Variants in PDE1C observed in about 807,000 individuals in gnomAD.
The protein encoded by PDE1C is dual specificity calcium/calmodulin-dependent 3',5'-cyclic nucleotide phosphodiesterase 1C.
Under a neutral mutation model 93.1 loss-of-function variants are expected in PDE1C, and 62 were observed. The observed-to-expected ratio is 0.67, with a 90% CI of 0.54 to 0.82. The LOEUF (loss-of-function observed/expected upper bound fraction) is 0.82, where lower values mean the gene tolerates loss of function less well. Among genes scored for constraint, PDE1C ranks in the 40% least tolerant of loss-of-function variants. The probability of loss-of-function intolerance (pLI) is 0.00; values close to 1 mark genes in which losing one functional copy is unlikely to be tolerated. For missense variants in PDE1C, 742 were observed against 884.6 expected, an observed-to-expected ratio of 0.84 and a Z score of 2.04; for synonymous variants, 325 against 310.1, an observed-to-expected ratio of 1.05 and a Z score of -0.50.
At chr7:31,936,748 G>C (rs927308105) in intron 2 of PDE1C, among the ~76,000 whole-genome samples, 14 of 152,202 alleles carry the variant, frequency 9.2e-5, no homozygotes, top group Admixed American at 5.9e-4. Context: ...AAAGAGTTCT[G>C]GCACACTATA....
At chr7:32,108,686 T>A (rs1798479357) in intron 3 of PDE1C, among the ~76,000 whole-genome samples, 1 of 152,190 alleles carries the variant, frequency 6.6e-6, no homozygotes, top group Non-Finnish European at 1.5e-5. Flanking sequence ...CTTGTTCTAA[T>A]AAGTGTGTAA....
At chr7:31,948,710 G>A (rs1806957697) in intron 2 of PDE1C, among the ~76,000 whole-genome samples, 1 of 151,864 alleles carries the variant, frequency 6.6e-6, no homozygotes, top group East Asian at 1.9e-4. Context: ...GTTGGTTTTG[G>A]GTGTTTTTTG....
intron 1 of PDE1C, among the ~76,000 whole-genome samples, chr7:32,406,754 G>A (rs1785059768): frequency 6.6e-6 from 1 of 152,152 alleles, no homozygotes; most frequent in African/African-American, 2.4e-5. Context: ...GTATGGATGT[G>A]ACCTGGATGG....
chr7:31,781,262 A>G (rs1783387982), intron 16 of PDE1C, among the ~76,000 whole-genome samples: 4 of 152,212 alleles, frequency 2.6e-5, no homozygotes, highest in Admixed American at 2.6e-4. Flanking sequence ...GGCCAAGCCT[A>G]TGCCTGCTGG....
At chr7:31,631,758 G>A in the PDE1C span, among the ~76,000 whole-genome samples, 1 of 152,214 alleles carries the variant, frequency 6.6e-6, no homozygotes, top group East Asian at 1.9e-4. Flanking sequence ...GCTAATGGAA[G>A]TAATTCAAAT....
At chr7:32,172,847 G>C (rs58563760) in intron 2 of PDE1C, among the ~76,000 whole-genome samples, 10 of 139,100 alleles carry the variant, frequency 7.2e-5, no homozygotes, top group Admixed American at 2.2e-4. Flanking sequence ...AAAAAAAAAG[G>C]CAAGAAGAAA....
the PDE1C span, among the ~76,000 whole-genome samples, chr7:31,673,323 C>T: frequency 6.6e-6 from 1 of 151,884 alleles, no homozygotes. Context: ...AAGTCCTTAC[C>T]ATTTGGGCCA....
At chr7:32,381,599 A>G (rs539987397) in intron 1 of PDE1C, among the ~76,000 whole-genome samples, 1 of 151,850 alleles carries the variant, frequency 6.6e-6, no homozygotes, top group South Asian at 2.1e-4. Flanking sequence ...TCTCTCCTCA[A>G]CCTGGAAAGC....
intron 1 of PDE1C, among the ~76,000 whole-genome samples, chr7:32,248,006 T>G (rs1585025163): frequency 6.6e-6 from 1 of 152,262 alleles, no homozygotes; most frequent in African/African-American, 2.4e-5. Context: ...ATTTCCAAAG[T>G]GAAATTGACT....
At chr7:32,001,788 G>A (rs1406826959) in intron 2 of PDE1C, among the ~76,000 whole-genome samples, 1 of 152,200 alleles carries the variant, frequency 6.6e-6, no homozygotes, top group East Asian at 1.9e-4. Flanking sequence ...CAATAGGTCT[G>A]GCTGGGCACA....
chr7:31,701,775 G>C, the PDE1C span, among the ~76,000 whole-genome samples: 2 of 152,220 alleles, frequency 1.3e-5, no homozygotes, highest in African/African-American at 2.4e-5. Flanking sequence ...CTAAGACTCA[G>C]TGAAGACTCA....
At chr7:31,738,822 T>A in the PDE1C span, among the ~76,000 whole-genome samples, 4 of 152,154 alleles carry the variant, frequency 2.6e-5, no homozygotes, top group East Asian at 7.7e-4. Flanking sequence ...ACTCTCAGCC[T>A]GCATGTTCTC....
chr7:32,292,073 T>G (rs574874949), intron 1 of PDE1C, among the ~76,000 whole-genome samples: 9 of 152,340 alleles, frequency 5.9e-5, no homozygotes, highest in Non-Finnish European at 8.8e-5. Flanking sequence ...TAGTTCACAA[T>G]TTTGAATGTC....
At chr7:31,677,549 A>AT in the PDE1C span, among the ~76,000 whole-genome samples, 581 of 152,102 alleles carry the variant, frequency 3.8e-3, 2 homozygotes, top group African/African-American at 7.8e-3. Flanking sequence ...GAAAGATCAT[A>AT]TTTTTTTTCT....
chr7:32,083,262 T>C (rs775690421), intron 3 of PDE1C, among the ~76,000 whole-genome samples: 1 of 150,358 alleles, frequency 6.7e-6, no homozygotes, highest in African/African-American at 2.5e-5. Context: ...TGATGGAAGA[T>C]GAAATGAATG....
chr7:31,873,489 C>T, intron 5 of PDE1C, 81 bp from the exon 6 acceptor site: 1 of 802,704 alleles, frequency 1.2e-6, no homozygotes, highest in Non-Finnish European at 2.1e-6. Context: ...TTCAAGTCCG[C>T]CTGCAGCCCT....
Position 31,873,313 on chromosome 7 carries a change from A to G in PDE1C, c.588T>C (p.Tyr196=), listed in dbSNP as rs745392000. The G allele has an allele frequency of 5.6e-6, 9 of 1,611,056 alleles. No homozygotes were observed. Among genetic ancestry groups the G allele is most frequent in the Non-Finnish European group, 7.6e-6 (9 of 1,177,262 alleles). Residue 196 remains tyrosine, a synonymous_variant, in exon 6 of 18, where the codon TAT becomes TAC. Transcript: ENST00000396191. ...TGACCTTGAAACGGCTGATCAGATCATAACGTGTGAGTAGTTCATAGAAAA... is the reference window on the plus strand; with the variant it reads ...TGACCTTGAAACGGCTGATCAGATCGTAACGTGTGAGTAGTTCATAGAAAA... The part of the protein sequence containing the change: ...KFIFYELLTR[Y]DLISRFKIPI...
intron 2 of PDE1C, among the ~76,000 whole-genome samples, chr7:31,952,617 C>T (rs1807539717): frequency 1.3e-5 from 2 of 152,048 alleles, no homozygotes; most frequent in African/African-American, 2.4e-5. Context: ...GCTGCTTAGT[C>T]CTGAATTGTG....
chr7:32,308,862 A>G (rs567761135), intron 1 of PDE1C, among the ~76,000 whole-genome samples: 1 of 151,980 alleles, frequency 6.6e-6, no homozygotes, highest in African/African-American at 2.4e-5. Flanking sequence ...CCAAAGGAAC[A>G]CAGTTCCTCA....
Sources: allele counts gnomAD v4.1 joint callset (sites outside exome capture counted in the v4.1 genomes callset), GRCh38; gene constraint gnomAD v4.1.1; transcripts MANE v1.5; gene names NCBI Gene and HGNC (gene_info 2026-07-23, HGNC 2026-07-21).